The following CCDC73 variants were observed in gnomAD, a reference collection of about 807,000 sequenced individuals.
The protein encoded by CCDC73 is coiled-coil domain containing 73.
A neutral mutation model predicts 116.5 loss-of-function variants in CCDC73; 95 were observed. That is an observed-to-expected ratio of 0.82 (90% confidence interval 0.69 to 0.97). The LOEUF (loss-of-function observed/expected upper bound fraction) is 0.97, where lower values mean the gene tolerates loss of function less well. CCDC73 is among the 50% of genes least tolerant of loss of function. The pLI, the probability that CCDC73 is intolerant of heterozygous loss-of-function variation, is 0.00. For synonymous variants in CCDC73, 398 were observed against 401.3 expected (o/e 0.99, Z 0.10); for missense variants, 1,066 against 1,206.8 (o/e 0.88, Z 1.73).
intron 2 of CCDC73, among the ~76,000 whole-genome samples, chr11:32,745,344 T>G (rs1020521737): frequency 1.3e-5 from 2 of 152,222 alleles, no homozygotes; most frequent in South Asian, 4.1e-4. Context: ...AATTTTAGAA[T>G]AAGTGCGATG....
At chr11:32,791,647 C>T (rs1850677566) in intron 1 of CCDC73, among the ~76,000 whole-genome samples, 2 of 152,064 alleles carry the variant, frequency 1.3e-5, no homozygotes, top group African/African-American at 4.8e-5. Flanking sequence ...AGAATAATTT[C>T]CCAATTAAAA....
chr11:32,830,358 C>T, the CCDC73 span: 1 of 819,366 alleles, frequency 1.2e-6, no homozygotes, highest in Non-Finnish European at 1.7e-6. Context: ...GCTTCCTGGG[C>T]GCGCGTCGGG....
chr11:32,673,115 G>C (rs1040076634), intron 9 of CCDC73, among the ~76,000 whole-genome samples: 1 of 152,174 alleles, frequency 6.6e-6, no homozygotes, highest in African/African-American at 2.4e-5. Context: ...CCCAAGGCCT[G>C]AACAGACACT....
chr11:32,710,422 A>G (rs1006159513), intron 3 of CCDC73, among the ~76,000 whole-genome samples: 2 of 152,264 alleles, frequency 1.3e-5, no homozygotes, highest in South Asian at 4.1e-4. Flanking sequence ...TTAAATTTCC[A>G]TCTTGATTTC....
chr11:32,824,585 A>G, the CCDC73 span, among the ~76,000 whole-genome samples: 2 of 152,188 alleles, frequency 1.3e-5, no homozygotes, highest in Non-Finnish European at 1.5e-5. Flanking sequence ...ATTCACTTAA[A>G]AACCAGGAAG....
intron 2 of CCDC73, among the ~76,000 whole-genome samples, chr11:32,724,893 G>A (rs1472758261): frequency 2.0e-5 from 3 of 152,122 alleles, no homozygotes; most frequent in Non-Finnish European, 4.4e-5. Context: ...TATCAAAAAC[G>A]ATGTCTAACT....
chr11:32,798,901 T>G (rs760934271), upstream of CCDC73, among the ~76,000 whole-genome samples: 12 of 124,118 alleles, frequency 9.7e-5, no homozygotes, highest in Non-Finnish European at 1.7e-4. Context: ...GCGTTTTTGT[T>G]TGTTTGTTTG....
At chr11:32,718,770 A>G (rs1480709736) in intron 2 of CCDC73, among the ~76,000 whole-genome samples, 3 of 152,200 alleles carry the variant, frequency 2.0e-5, no homozygotes, top group Non-Finnish European at 4.4e-5. Context: ...CTACCTAGGC[A>G]GACCTATCTT....
chr11:32,711,029 C>G (rs1326104414), intron 3 of CCDC73, among the ~76,000 whole-genome samples: 2 of 151,992 alleles, frequency 1.3e-5, no homozygotes, highest in Admixed American at 6.6e-5. Flanking sequence ...GGCCAACAAG[C>G]ATATGGGAAA....
chr11:32,630,269 T>C (rs946140779), intron 14 of CCDC73, among the ~76,000 whole-genome samples: 1 of 152,202 alleles, frequency 6.6e-6, no homozygotes, highest in Admixed American at 6.5e-5. Flanking sequence ...AGAATAAGGA[T>C]TGGCAAACTA....
intron 14 of CCDC73, among the ~76,000 whole-genome samples, chr11:32,620,102 G>T (rs1855510339): frequency 6.6e-6 from 1 of 152,168 alleles, no homozygotes; most frequent in Non-Finnish European, 1.5e-5. Context: ...TTCAGGAGTG[G>T]TTGGCTTGAT....
chr11:32,683,601 A>T, intron 6 of CCDC73, 27 bp from the exon 7 acceptor site: 1 of 1,310,254 alleles, frequency 7.6e-7, no homozygotes, highest in Non-Finnish European at 1.1e-6. Context: ...GAAAAATCTC[A>T]TTAAAATACT....
intron 2 of CCDC73, among the ~76,000 whole-genome samples, chr11:32,755,565 ACATATATATCCATATATATGTG>A (rs1850327594): frequency 8.2e-6 from 1 of 122,642 alleles, no homozygotes; most frequent in Non-Finnish European, 1.7e-5. Flanking sequence ...ATATATATGT[ACATATATATCCATATATATGTG>A]TGTATATATA....
chr11:32,737,620 AAAAAAAAAAAAAAATC>A (rs1283006991), intron 2 of CCDC73, among the ~76,000 whole-genome samples: 1 of 150,902 alleles, frequency 6.6e-6, no homozygotes, highest in Non-Finnish European at 1.5e-5. Flanking sequence ...TGTGTCTCAA[AAAAAAAAAAAAAAATC>A]ACATCAGGGT....
At chr11:32,605,401 GTCATT>G (rs941485349) in intron 17 of CCDC73, 12 of 152,062 alleles carry the variant, frequency 7.9e-5, no homozygotes, top group African/African-American at 2.9e-4. Context: ...ACCTAGGCAA[GTCATT>G]TAATTTTTCT....
intron 2 of CCDC73, among the ~76,000 whole-genome samples, chr11:32,737,785 TCA>T (rs1850148545): frequency 6.6e-6 from 1 of 151,480 alleles, no homozygotes; most frequent in African/African-American, 2.4e-5. Context: ...TAGATCTTAT[TCA>T]GTCTTATTTT....
intron 1 of CCDC73, among the ~76,000 whole-genome samples, chr11:32,787,234 A>C (rs2133403395): frequency 6.6e-6 from 1 of 152,316 alleles, no homozygotes; most frequent in Non-Finnish European, 1.5e-5. Flanking sequence ...GTAATAACCA[A>C]ATGCCTAGGG....
chr11:32,610,723 ATTCT>A (rs1354618902), intron 17 of CCDC73, among the ~76,000 whole-genome samples: 1 of 152,232 alleles, frequency 6.6e-6, no homozygotes, highest in East Asian at 1.9e-4. Flanking sequence ...ATAGTTTTAA[ATTCT>A]TTCCATCTCA....
At chr11:32,808,716 T>G in the CCDC73 span, among the ~76,000 whole-genome samples, 2 of 152,142 alleles carry the variant, frequency 1.3e-5, no homozygotes, top group Non-Finnish European at 2.9e-5. Context: ...TTTTATAAGA[T>G]AAGAAATATT....
Sources: allele counts gnomAD v4.1 joint callset (sites outside exome capture counted in the v4.1 genomes callset), GRCh38; gene constraint gnomAD v4.1.1; transcripts MANE v1.5; gene names NCBI Gene and HGNC (gene_info 2026-07-23, HGNC 2026-07-21).